NCOA1: variants seen among roughly 807,000 people sequenced by gnomAD.
NCOA1 encodes nuclear receptor coactivator 1.
A neutral mutation model predicts 150.9 loss-of-function variants in NCOA1; 35 were observed. The ratio of observed to expected loss-of-function variants is 0.23; its 90% CI spans 0.18 to 0.31. The LOEUF (loss-of-function observed/expected upper bound fraction) is 0.31, where lower values mean the gene tolerates loss of function less well. NCOA1 is among the 10% of genes least tolerant of loss of function. The pLI is 1.00. For synonymous variants in NCOA1, 590 were observed against 630.0 expected (o/e 0.94, Z 0.95); for missense variants, 1,491 against 1,749.3 (o/e 0.85, Z 2.63).
chr2:24,540,993 A>G (rs376416658), intron 1 of NCOA1, among the ~76,000 whole-genome samples: 51 of 152,294 alleles, frequency 3.3e-4, no homozygotes, highest in African/African-American at 1.2e-3. Context: ...TTTGGGGATG[A>G]GAGTGAAAGA....
rs912627088 is a variant in NCOA1, at chr2:24,640,022, T to C, written c.-174-3944T>C. Among the ~76,000 whole-genome samples the C allele has an allele frequency of 5.6e-4, 84 of 149,096 alleles. 1 individual carries two copies. The highest frequency in any genetic ancestry group is 2.0e-3 in the African/African-American group (79 of 40,504). Reference sequence around the variant, plus strand: ...TCATTCAACAGATTTTGATGTCTTATGTTTACTTTATTGCAGTTTCACTTA... The same window carrying C: ...TCATTCAACAGATTTTGATGTCTTACGTTTACTTTATTGCAGTTTCACTTA... On this transcript the variant is annotated intron_variant, in intron 3 of 22. Transcript: ENST00000348332.
At chr2:24,533,855 T>C (rs1237470831) in intron 1 of NCOA1, among the ~76,000 whole-genome samples, 6 of 152,250 alleles carry the variant, frequency 3.9e-5, no homozygotes, top group Admixed American at 3.9e-4. Flanking sequence ...CAGTATTTTA[T>C]TGAGGATTTT....
At chr2:24,664,019 A>G (rs1671301575) in intron 5 of NCOA1, among the ~76,000 whole-genome samples, 1 of 152,240 alleles carries the variant, frequency 6.6e-6, no homozygotes. Flanking sequence ...GACTGAATCT[A>G]CTACATATAT....
chr2:24,540,020 A>G (rs1392765284), intron 1 of NCOA1, among the ~76,000 whole-genome samples: 2 of 152,188 alleles, frequency 1.3e-5, no homozygotes, highest in Non-Finnish European at 2.9e-5. Flanking sequence ...TAGAAGACGA[A>G]GGACTGAGAA....
chr2:24,500,959 CT>C (rs1178450014), intron 1 of NCOA1, among the ~76,000 whole-genome samples: 2 of 152,192 alleles, frequency 1.3e-5, no homozygotes, highest in Non-Finnish European at 2.9e-5. Context: ...ACTTTAAGAG[CT>C]TTTTTTATAT....
chr2:24,578,133 T>G (rs1667063396), intron 2 of NCOA1, among the ~76,000 whole-genome samples: 1 of 152,144 alleles, frequency 6.6e-6, no homozygotes, highest in South Asian at 2.1e-4. Context: ...CTGAAAATAT[T>G]ATTTTAAGAA....
intron 14 of NCOA1, among the ~76,000 whole-genome samples, chr2:24,711,925 A>C (rs147195465): frequency 3.9e-5 from 6 of 152,216 alleles, no homozygotes; most frequent in African/African-American, 1.4e-4. Flanking sequence ...CGTTAGTTCT[A>C]TCCCTTTTCT....
intron 1 of NCOA1, among the ~76,000 whole-genome samples, chr2:24,509,922 C>G (rs1558752461): frequency 6.6e-6 from 1 of 152,224 alleles, no homozygotes; most frequent in East Asian, 1.9e-4. Flanking sequence ...CTTTATTTGT[C>G]TGAACTATTT....
intron 4 of NCOA1, among the ~76,000 whole-genome samples, chr2:24,644,640 G>A (rs2148464267): frequency 6.6e-6 from 1 of 152,022 alleles, no homozygotes; most frequent in East Asian, 1.9e-4. Flanking sequence ...CAGTATATCC[G>A]TGAACATACT....
chr2:24,542,520 A>G (rs1400944393), intron 1 of NCOA1, among the ~76,000 whole-genome samples: 1 of 152,264 alleles, frequency 6.6e-6, no homozygotes, highest in African/African-American at 2.4e-5. Context: ...AGGATATAAA[A>G]TATAACAATA....
At chr2:24,689,226 T>C (rs1228182088) in intron 8 of NCOA1, among the ~76,000 whole-genome samples, 4 of 152,218 alleles carry the variant, frequency 2.6e-5, no homozygotes, top group African/African-American at 4.8e-5. Context: ...TCCATATGAA[T>C]TTTGAAATAA....
chr2:24,584,521 A>G lies in NCOA1; in HGVS notation c.-214A>G, dbSNP rs1465293530. ...AGAGAATGAGTTAATCTCCTCAGAA[A>G]TCACTAAATACTACTCTGAGGGGCT... is the stretch of plus-strand genomic sequence containing the variant. On this transcript the variant is annotated 5_prime_UTR_variant, in exon 3 of 23. Transcript: ENST00000348332. The G allele has an allele frequency of 6.6e-6, 1 of 152,202 alleles. No homozygotes were observed. The highest frequency in any genetic ancestry group is 6.5e-5 in the Admixed American group (1 of 15,278). 9.4% of individuals were successfully genotyped at this position (152,202 alleles called of 1,614,324 possible).
chr2:24,741,932 C>T lies in NCOA1; in HGVS notation c.3452C>T (p.Pro1151Leu). The T allele has an allele frequency of 3.1e-6, 5 of 1,614,208 alleles. No homozygotes were observed. Among genetic ancestry groups the T allele is most frequent in the Non-Finnish European group, 4.2e-6 (5 of 1,180,044 alleles). Residue 1151 changes from proline (P) to leucine (L), a missense_variant, in exon 19 of 23, where the codon CCA becomes CTA. Pro to Leu is a moderately conservative substitution (Grantham distance 98). Coordinates refer to ENST00000348332, the MANE Select transcript of NCOA1 (RefSeq NM_003743.5). ...GNNLPPSSGL[P>L]VQMGNPRLPQ... ...AACCTCCCTCCCTCATCTGGACTAC[C>T]AGTTCAAATGGGGAACCCCCGTCTT...
intron 1 of NCOA1, among the ~76,000 whole-genome samples, chr2:24,547,988 CA>C (rs34669959): frequency 6.1e-4 from 46 of 74,942 alleles, no homozygotes; most frequent in African/African-American, 1.8e-3. Flanking sequence ...GACTCTGTCT[CA>C]AAAAAAAAAA....
At chr2:24,528,609 A>G (rs911232011) in intron 1 of NCOA1, among the ~76,000 whole-genome samples, 2 of 151,902 alleles carry the variant, frequency 1.3e-5, no homozygotes, top group African/African-American at 4.8e-5. Flanking sequence ...TAGCCTCCCA[A>G]AGTGCTGGGA....
rs1558303508 is a variant in NCOA1, at chr2:24,707,225, CAA to C, written c.1757_1758del (p.Lys586ArgfsTer8). On this transcript the variant is annotated frameshift_variant, in exon 13 of 23. Transcript: ENST00000348332. LOFTEE classifies it high-confidence loss of function. ...CAGCAAAAGCTGAGTCCAAAGATAA[CAA>C]AGAGATTGCCTCAATTTTAAATGAA... is the stretch of plus-strand genomic sequence containing the variant. ...QPAKAESKDN[K>X]EIASILNEMI... 6.2e-7 allele frequency: 1 copy of C among 1,614,156 alleles called. No individual in the cohort carries two copies. The highest frequency in any genetic ancestry group is 8.5e-7 in the Non-Finnish European group (1 of 1,180,004).
chr2:24,715,852 C>T (rs965018446), intron 14 of NCOA1, among the ~76,000 whole-genome samples: 1 of 151,976 alleles, frequency 6.6e-6, no homozygotes, highest in Non-Finnish European at 1.5e-5. Context: ...AATAACAATC[C>T]CAGCAGGCGG....
At chr2:24,624,703 CAA>C (rs1372351179) in intron 3 of NCOA1, among the ~76,000 whole-genome samples, 3 of 152,094 alleles carry the variant, frequency 2.0e-5, no homozygotes, top group Non-Finnish European at 4.4e-5. Flanking sequence ...AATGATGAAA[CAA>C]TATATACATA....
At chr2:24,700,728 A>G (rs1673118412) in intron 11 of NCOA1, among the ~76,000 whole-genome samples, 1 of 152,186 alleles carries the variant, frequency 6.6e-6, no homozygotes, top group Non-Finnish European at 1.5e-5. Context: ...TACTTTAAAG[A>G]AATATCTAGG....
Sources: allele counts gnomAD v4.1 joint callset (sites outside exome capture counted in the v4.1 genomes callset), GRCh38; gene constraint gnomAD v4.1.1; transcripts MANE v1.5; gene names NCBI Gene and HGNC (gene_info 2026-07-23, HGNC 2026-07-21).